DGKB: variants seen among roughly 807,000 people sequenced by gnomAD.
The protein encoded by DGKB is diacylglycerol kinase beta, also known as 90 kDa diacylglycerol kinase.
In DGKB, 67 loss-of-function variants were observed where a neutral mutation model predicts 114.3. The ratio of observed to expected loss-of-function variants is 0.59; its 90% CI spans 0.48 to 0.72. The LOEUF is 0.72. DGKB is among the 30% of genes least tolerant of loss of function. The pLI, the probability that DGKB is intolerant of heterozygous loss-of-function variation, is 0.00. For synonymous variants in DGKB, 398 were observed against 323.1 expected, an observed-to-expected ratio of 1.23 and a Z score of -2.49; for missense variants, 907 against 975.2, an observed-to-expected ratio of 0.93 and a Z score of 0.93.
At chr7:14,589,444 A>G (rs1212960240) in intron 17 of DGKB, among the ~76,000 whole-genome samples, 2 of 151,974 alleles carry the variant, frequency 1.3e-5, no homozygotes, top group Admixed American at 1.3e-4. Context: ...ATTCATAGTG[A>G]ATATCCATAT....
intron 2 of DGKB, among the ~76,000 whole-genome samples, chr7:14,784,283 T>A (rs1184500905): frequency 6.6e-6 from 1 of 152,164 alleles, no homozygotes; most frequent in Non-Finnish European, 1.5e-5. Flanking sequence ...CATACATTCT[T>A]ATGTTATTAA....
At chr7:14,508,357 A>T (rs2128969580) in intron 20 of DGKB, among the ~76,000 whole-genome samples, 1 of 152,320 alleles carries the variant, frequency 6.6e-6, no homozygotes, top group Admixed American at 6.5e-5. Flanking sequence ...GCATAAAATG[A>T]ATAGTACCTG....
At chr7:14,277,905 C>T (rs868467468) in intron 23 of DGKB, among the ~76,000 whole-genome samples, 2 of 152,128 alleles carry the variant, frequency 1.3e-5, no homozygotes, top group African/African-American at 2.4e-5. Flanking sequence ...ACATGGGTTC[C>T]GTTTTCTCCA....
intron 1 of DGKB, among the ~76,000 whole-genome samples, chr7:14,867,883 C>T (rs947785337): frequency 1.3e-5 from 2 of 151,998 alleles, no homozygotes; most frequent in South Asian, 4.1e-4. Context: ...ATCAGCTGTC[C>T]CAGTCAAACA....
chr7:14,423,952 A>C (rs196756), intron 21 of DGKB, among the ~76,000 whole-genome samples: 33 of 151,982 alleles, frequency 2.2e-4, no homozygotes, highest in Non-Finnish European at 4.1e-4. Flanking sequence ...AGTAAAACTC[A>C]TTAATGTCAA....
intron 1 of DGKB, among the ~76,000 whole-genome samples, chr7:14,876,677 G>A (rs146337125): frequency 1.6e-4 from 24 of 152,228 alleles, no homozygotes; most frequent in East Asian, 1.2e-3. Flanking sequence ...TTGCTTTCCT[G>A]GACTCGTTAG....
chr7:14,411,596 T>G (rs1443011304), intron 21 of DGKB, among the ~76,000 whole-genome samples: 1 of 152,172 alleles, frequency 6.6e-6, no homozygotes, highest in Non-Finnish European at 1.5e-5. Flanking sequence ...TTTTACTCCA[T>G]GAGTTTTAGC....
intron 20 of DGKB, among the ~76,000 whole-genome samples, chr7:14,521,090 C>A (rs552644332): frequency 6.6e-6 from 1 of 151,778 alleles, no homozygotes; most frequent in Non-Finnish European, 1.5e-5. Context: ...TGTCCTTTAC[C>A]TGTATGTAAA....
At chr7:14,790,557 T>C (rs1840529212) in intron 2 of DGKB, among the ~76,000 whole-genome samples, 1 of 152,148 alleles carries the variant, frequency 6.6e-6, no homozygotes. Flanking sequence ...AGCACATTTG[T>C]TTAAAAGGGC....
At chr7:14,606,502 T>A (rs1339374846) in intron 17 of DGKB, among the ~76,000 whole-genome samples, 1 of 152,016 alleles carries the variant, frequency 6.6e-6, no homozygotes, top group Admixed American at 6.6e-5. Context: ...TGGTACAAAT[T>A]TTATTCTGAG....
intron 2 of DGKB, among the ~76,000 whole-genome samples, chr7:14,840,547 T>A (rs1409646901): frequency 2.0e-5 from 3 of 152,294 alleles, no homozygotes; most frequent in African/African-American, 4.8e-5. Flanking sequence ...AAACTTACAG[T>A]GAAGTGAATG....
chr7:14,535,563 A>G (rs1255217500), intron 20 of DGKB, among the ~76,000 whole-genome samples: 4 of 152,078 alleles, frequency 2.6e-5, no homozygotes, highest in Non-Finnish European at 4.4e-5. Flanking sequence ...AATGATCAAC[A>G]AAACTAAGAG....
intron 1 of DGKB, among the ~76,000 whole-genome samples, chr7:14,850,611 G>C (rs572085098): frequency 1.3e-5 from 2 of 152,272 alleles, no homozygotes; most frequent in East Asian, 3.9e-4. Context: ...ATAAGTCTTA[G>C]TGATGAACTG....
At chr7:14,469,840 T>C (rs1197098078) in intron 21 of DGKB, among the ~76,000 whole-genome samples, 1 of 152,004 alleles carries the variant, frequency 6.6e-6, no homozygotes, top group Non-Finnish European at 1.5e-5. Flanking sequence ...GAGATTTATA[T>C]AAATATGATA....
intron 25 of DGKB, among the ~76,000 whole-genome samples, chr7:14,155,828 G>C (rs560425349): frequency 6.6e-6 from 1 of 152,210 alleles, no homozygotes; most frequent in South Asian, 2.1e-4. Context: ...CAGGAAGTTG[G>C]TGAACCTACT....
intron 3 of DGKB, among the ~76,000 whole-genome samples, chr7:14,756,225 ATAT>A (rs758076296): frequency 2.0e-5 from 3 of 152,054 alleles, no homozygotes; most frequent in South Asian, 2.1e-4. Context: ...AAGTTTTCAA[ATAT>A]TGTTGTGAAT....
chr7:14,824,876 T>C (rs1311141589), intron 2 of DGKB, among the ~76,000 whole-genome samples: 2 of 151,088 alleles, frequency 1.3e-5, no homozygotes, highest in Non-Finnish European at 3.0e-5. Flanking sequence ...ATATAATCCA[T>C]CCCATATTGA....
intron 17 of DGKB, among the ~76,000 whole-genome samples, chr7:14,601,728 C>T (rs987492597): frequency 1.3e-5 from 2 of 152,158 alleles, no homozygotes; most frequent in Non-Finnish European, 2.9e-5. Context: ...AATAGTAGGA[C>T]ATGGATACAA....
chr7:14,283,039 G>A (rs1396703029), intron 23 of DGKB, among the ~76,000 whole-genome samples: 1 of 151,642 alleles, frequency 6.6e-6, no homozygotes, highest in African/African-American at 2.4e-5. Context: ...AAGGAAATAA[G>A]GGGTATTCAA....
Sources: gnomAD v4.1 joint callset for allele counts (sites outside exome capture counted in the v4.1 genomes callset) on GRCh38, gnomAD v4.1.1 for gene constraint, MANE v1.5 for transcripts, NCBI Gene and HGNC (gene_info 2026-07-23, HGNC 2026-07-21) for gene names.